Variants in WASHC5 observed in about 807,000 individuals in gnomAD.
The protein encoded by WASHC5 is WASH complex subunit 5.
Under a neutral mutation model 150.4 loss-of-function variants are expected in WASHC5, and 101 were observed. The observed-to-expected ratio is 0.67, with a 90% confidence interval of 0.57 to 0.79. WASHC5 has a LOEUF of 0.79. WASHC5 is among the 30% of genes least tolerant of loss of function. The pLI is 0.00. For synonymous variants in WASHC5, 467 were observed against 491.2 expected, an observed-to-expected ratio of 0.95 and a Z score of 0.65; for missense variants, 1,195 against 1,396.3, an observed-to-expected ratio of 0.86 and a Z score of 2.30.
At chr8:125,055,526 T>C (rs1378302097) in intron 17 of WASHC5, 65 bp downstream of exon 17, 1 of 932,392 alleles carries the variant, frequency 1.1e-6, no homozygotes, top group East Asian at 2.4e-5. Flanking sequence ...ACATGATAAT[T>C]ACCACAAAAA....
chr8:125,040,913 C>CAAATAAAT (rs747934132), intron 23 of WASHC5: 1 of 152,114 alleles, frequency 6.6e-6, no homozygotes, highest in Non-Finnish European at 1.5e-5. Context: ...TTCAGAATAA[C>CAAATAAAT]GTTTTTGAAT....
rs3763595 is a variant in WASHC5 at position 125,057,873 on chromosome 8, G to A, written c.1765-207C>T. On this transcript the variant is annotated intron_variant, in intron 14 of 28. Transcript: ENST00000318410. Reference sequence around the variant, plus strand: ...TGTGCTCCCTGGACCAGTAGCTTCCGCATGACCTGGGAACTTATTAGACAT... The same window carrying A: ...TGTGCTCCCTGGACCAGTAGCTTCCACATGACCTGGGAACTTATTAGACAT... Among the ~76,000 whole-genome samples, 16,919 of 152,002 alleles carry A rather than the reference G, an allele frequency of 0.11. 2,215 individuals carry two copies. Among genetic ancestry groups the A allele is most frequent in the African/African-American group, 0.31 (12,982 of 41,376 alleles).
chr8:125,059,646 T>A, intron 12 of WASHC5, 104 bp from the exon 13 acceptor site: 1 of 814,592 alleles, frequency 1.2e-6, no homozygotes, highest in Non-Finnish European at 2.0e-6. Flanking sequence ...TCTGACAATT[T>A]CTTGATAAAG....
rs140063111 is a variant in WASHC5, at chr8:125,057,613, G to A, written c.1818C>T (p.Pro606=). 2.9e-4 allele frequency: 470 copies of A among 1,613,914 alleles called. 3 individuals carry two copies. The African/African-American group carries it at 5.3e-3, about 18-fold the overall frequency. ...PLLRINQANS[P]DLLSVSQYYS... ...AGTACTGTGACACGCTGAGCAGGTC[G>A]GGGCTATTTGCCTGATTAATACGAA... Residue 606 remains proline (P), a synonymous_variant, in exon 15 of 29, where the codon CCC becomes CCT. Transcript: ENST00000318410.
chr8:125,041,861 T>C (rs1368198722), intron 23 of WASHC5, among the ~76,000 whole-genome samples: 1 of 152,192 alleles, frequency 6.6e-6, no homozygotes, highest in Non-Finnish European at 1.5e-5. Context: ...ATTTAAAAAT[T>C]AGAATGCAGC....
chr8:125,031,145 C>CA (rs1815523681), intron 27 of WASHC5, among the ~76,000 whole-genome samples: 1 of 152,194 alleles, frequency 6.6e-6, no homozygotes, highest in African/African-American at 2.4e-5. Context: ...GCAGTGGCTG[C>CA]ATGACTACCT....
intron 25 of WASHC5, among the ~76,000 whole-genome samples, chr8:125,038,187 C>T: frequency 6.6e-6 from 1 of 152,186 alleles, no homozygotes; most frequent in East Asian, 1.9e-4. Flanking sequence ...AGGGATAATA[C>T]AGCTTTCAGA....
intron 23 of WASHC5, among the ~76,000 whole-genome samples, chr8:125,042,188 C>T (rs1455523112): frequency 6.6e-6 from 1 of 152,160 alleles, no homozygotes; most frequent in Non-Finnish European, 1.5e-5. Context: ...ACTCATTTGC[C>T]TCTTTGGAGA....
chr8:125,083,030 A>G, intron 3 of WASHC5, 83 bp downstream of exon 3: 2 of 920,380 alleles, frequency 2.2e-6, no homozygotes. Context: ...GTAGTAACTC[A>G]GAGAGATTTA....
At chr8:125,040,419 T>A (rs567947810) in intron 23 of WASHC5, among the ~76,000 whole-genome samples, 2 of 152,232 alleles carry the variant, frequency 1.3e-5, no homozygotes, top group Non-Finnish European at 2.9e-5. Flanking sequence ...ATAATCTACA[T>A]AAAATCTTTC....
intron 19 of WASHC5, among the ~76,000 whole-genome samples, chr8:125,047,638 A>G (rs935150471): frequency 6.6e-6 from 1 of 152,070 alleles, no homozygotes; most frequent in African/African-American, 2.4e-5. Context: ...GGGTTTCACC[A>G]TGTTGGCTAG....
At chr8:125,088,251 C>T (rs554017062) in intron 1 of WASHC5, among the ~76,000 whole-genome samples, 3,990 of 151,800 alleles carry the variant, frequency 0.026, 194 homozygotes, top group African/African-American at 0.093. Context: ...CCGGGATCAC[C>T]CCGGCTCTAC....
At chr8:125,032,819 C>A (rs1326892568) in intron 26 of WASHC5, 13 of 226,308 alleles carry the variant, frequency 5.7e-5, no homozygotes, top group Non-Finnish European at 9.8e-5. Flanking sequence ...TATCTTTAAA[C>A]AAATGTTGAG....
chr8:125,026,701 T>C (rs1207058056), intron 28 of WASHC5, among the ~76,000 whole-genome samples: 1 of 152,160 alleles, frequency 6.6e-6, no homozygotes, highest in East Asian at 1.9e-4. Flanking sequence ...TTATGTACCA[T>C]TGTATGCACA....
rs1328488239 is a variant in WASHC5, at chr8:125,067,635, T to C, written c.1235A>G (p.Gln412Arg). The C allele has an allele frequency of 2.1e-5, 34 of 1,613,320 alleles. No homozygotes were observed. Among genetic ancestry groups the C allele is most frequent in the Non-Finnish European group, 2.6e-5 (31 of 1,179,392 alleles). ...AAATTGTGCAGTATCTAACAGCAGC[T>C]GGAAGAGGATCCTGGGATTGTACCG... ...DSRYNPRILF[Q>R]LLLDTAQFEF... Residue 412 changes from glutamine to arginine, a missense_variant, in exon 10 of 29, where the codon CAG (glutamine) becomes CGG (arginine). Gln to Arg is a conservative substitution (Grantham distance 43, BLOSUM62 1). Transcript: ENST00000318410.
At chr8:125,074,230 T>C (rs1816983590) in intron 8 of WASHC5, among the ~76,000 whole-genome samples, 1 of 152,222 alleles carries the variant, frequency 6.6e-6, no homozygotes, top group Non-Finnish European at 1.5e-5. Flanking sequence ...AAATTAATGA[T>C]CTGATGTTGC....
intron 17 of WASHC5, among the ~76,000 whole-genome samples, chr8:125,055,156 G>C (rs578095259): frequency 6.6e-6 from 1 of 152,296 alleles, no homozygotes; most frequent in East Asian, 1.9e-4. Context: ...GGGCACCGTG[G>C]CTCATGCCTA....
intron 5 of WASHC5, among the ~76,000 whole-genome samples, chr8:125,079,671 T>C (rs1817191388): frequency 6.6e-6 from 1 of 152,228 alleles, no homozygotes; most frequent in African/African-American, 2.4e-5. Context: ...GGGTCTGAAT[T>C]GGCATCTCAT....
intron 17 of WASHC5, among the ~76,000 whole-genome samples, chr8:125,053,107 T>C (rs1816294855): frequency 6.6e-6 from 1 of 150,702 alleles, no homozygotes; most frequent in Admixed American, 6.6e-5. Flanking sequence ...GTATTTCTTT[T>C]TTTTTTTTTT....
Sources: allele counts gnomAD v4.1 joint callset (sites outside exome capture counted in the v4.1 genomes callset), GRCh38; gene constraint gnomAD v4.1.1; transcripts MANE v1.5; gene names NCBI Gene and HGNC (gene_info 2026-07-23, HGNC 2026-07-21).